Variants in EPHB1 observed in about 807,000 individuals in gnomAD.
EPHB1 encodes EPH receptor B1.
Under a neutral mutation model 94.4 loss-of-function variants are expected in EPHB1, and 30 were observed. The observed-to-expected ratio is 0.32, with a 90% CI of 0.24 to 0.43. The LOEUF (loss-of-function observed/expected upper bound fraction) is 0.43, where lower values mean the gene tolerates loss of function less well. EPHB1 is among the 20% of genes least tolerant of loss of function. The probability of loss-of-function intolerance (pLI) is 1.00; values close to 1 mark genes in which losing one functional copy is unlikely to be tolerated. For synonymous variants in EPHB1, 522 were observed against 489.1 expected (o/e 1.07, Z -0.89); for missense variants, 1,055 against 1,308.3 (o/e 0.81, Z 2.99).
rs774975718 is a variant in EPHB1, at chr3:135,166,016, C to T, written c.1634C>T (p.Ser545Leu). Residue 545 changes from serine to leucine, a missense_variant, in exon 8 of 16, where the codon TCG becomes TTG. Coordinates refer to ENST00000398015, the MANE Select transcript of EPHB1 (RefSeq NM_004441.5). ...GAGCAGCTGCCCCTGATTGCTGGCTCGGCAGCGGCCGGGGTCGTGTTCGTT... is the reference window on the plus strand; with the variant it reads ...GAGCAGCTGCCCCTGATTGCTGGCTTGGCAGCGGCCGGGGTCGTGTTCGTT... ...LREQLPLIAG[S>L]AAAGVVFVVS... 1.1e-5 allele frequency: 18 copies of T among 1,613,850 alleles called. No individual in the cohort carries two copies. The highest frequency in any genetic ancestry group is 2.2e-5 in the East Asian group (1 of 44,886).
At chr3:135,165,192 T>G (rs769209142) in intron 7 of EPHB1, among the ~76,000 whole-genome samples, 38 of 152,214 alleles carry the variant, frequency 2.5e-4, no homozygotes, top group Non-Finnish European at 5.1e-4. Context: ...GATTTGGTAT[T>G]TAGGACACCT....
chr3:135,162,700 A>T (rs1434177765), intron 7 of EPHB1, among the ~76,000 whole-genome samples: 2 of 152,202 alleles, frequency 1.3e-5, no homozygotes, highest in Non-Finnish European at 1.5e-5. Flanking sequence ...GTCTCCAGAG[A>T]GAATAGCCAA....
chr3:134,953,504 A>T (rs537882006), intron 3 of EPHB1, among the ~76,000 whole-genome samples: 1 of 152,312 alleles, frequency 6.6e-6, no homozygotes, highest in South Asian at 2.1e-4. Flanking sequence ...TCTTTGTCCC[A>T]TTGGTTGGGA....
intron 3 of EPHB1, among the ~76,000 whole-genome samples, chr3:135,031,310 T>C (rs1198756447): frequency 2.0e-5 from 3 of 152,082 alleles, no homozygotes; most frequent in South Asian, 4.1e-4. Flanking sequence ...TTTCTCCCTT[T>C]CTCTCTTTCT....
chr3:135,054,010 C>T (rs1937272313), intron 3 of EPHB1, among the ~76,000 whole-genome samples: 1 of 133,040 alleles, frequency 7.5e-6, no homozygotes, highest in South Asian at 2.6e-4. Context: ...TATACATGTG[C>T]ATATGTGTGT....
chr3:134,872,088 TC>T (rs756721806), intron 1 of EPHB1, among the ~76,000 whole-genome samples: 2 of 152,236 alleles, frequency 1.3e-5, no homozygotes, highest in Non-Finnish European at 2.9e-5. Flanking sequence ...GACTTTCTGG[TC>T]CTACCTCTTT....
At chr3:135,084,617 A>G (rs1370657881) in intron 3 of EPHB1, among the ~76,000 whole-genome samples, 1 of 152,212 alleles carries the variant, frequency 6.6e-6, no homozygotes, top group Non-Finnish European at 1.5e-5. Context: ...ATTGCAGTCC[A>G]GAGAAGGTGA....
At chr3:134,830,711 G>A (rs192617331) in intron 1 of EPHB1, among the ~76,000 whole-genome samples, 37 of 152,270 alleles carry the variant, frequency 2.4e-4, no homozygotes, top group Non-Finnish European at 4.3e-4. Context: ...AGGCTGATGG[G>A]CATGACCGTG....
At chr3:135,053,922 T>G (rs575902998) in intron 3 of EPHB1, among the ~76,000 whole-genome samples, 65 of 151,702 alleles carry the variant, frequency 4.3e-4, no homozygotes, top group African/African-American at 1.5e-3. Flanking sequence ...AGCCCACGAG[T>G]TCAAGGCCGC....
intron 11 of EPHB1, among the ~76,000 whole-genome samples, chr3:135,199,614 C>G (rs1942705650): frequency 6.6e-6 from 1 of 152,178 alleles, no homozygotes; most frequent in Admixed American, 6.5e-5. Context: ...GTGTCAAACA[C>G]AATATGTTTG....
chr3:135,052,580 G>A (rs904259295), intron 3 of EPHB1, among the ~76,000 whole-genome samples: 10 of 151,760 alleles, frequency 6.6e-5, no homozygotes, highest in African/African-American at 2.4e-4. Context: ...AAATATAAAT[G>A]GCCAAGCGCA....
intron 3 of EPHB1, among the ~76,000 whole-genome samples, chr3:134,996,360 A>AT (rs1934995391): frequency 1.3e-5 from 2 of 151,914 alleles, no homozygotes; most frequent in South Asian, 4.2e-4. Context: ...CACCCAGCCA[A>AT]TTTTTTGTAG....
intron 6 of EPHB1, among the ~76,000 whole-genome samples, chr3:135,157,745 A>C (rs1941396757): frequency 6.6e-6 from 1 of 152,256 alleles, no homozygotes; most frequent in South Asian, 2.1e-4. Flanking sequence ...CTACCAAAGA[A>C]AAAGATGTTA....
intron 5 of EPHB1, among the ~76,000 whole-genome samples, chr3:135,147,077 G>A (rs1318639002): frequency 6.6e-6 from 1 of 152,242 alleles, no homozygotes; most frequent in Non-Finnish European, 1.5e-5. Context: ...TAAGCAAATG[G>A]CAGAGCCAGA....
At chr3:135,031,150 T>C (rs1936448230) in intron 3 of EPHB1, among the ~76,000 whole-genome samples, 1 of 152,182 alleles carries the variant, frequency 6.6e-6, no homozygotes, top group Admixed American at 6.5e-5. Flanking sequence ...ATGAACCCCG[T>C]ACCTCAGATG....
intron 10 of EPHB1, among the ~76,000 whole-genome samples, chr3:135,189,379 T>G (rs1942404884): frequency 6.6e-6 from 1 of 152,236 alleles, no homozygotes. Flanking sequence ...CTGAGCGGCA[T>G]GTCAGTATCA....
intron 1 of EPHB1, among the ~76,000 whole-genome samples, chr3:134,913,043 G>A (rs2038487863): frequency 6.6e-6 from 1 of 152,172 alleles, no homozygotes; most frequent in Admixed American, 6.5e-5. Context: ...AGGCTTTTTG[G>A]TTTTCCATTT....
rs201471044 is a variant in EPHB1 at position 135,092,729 on chromosome 3, G to A, written c.806-13719G>A. On this transcript the variant is annotated intron_variant, in intron 3 of 15. Coordinates refer to ENST00000398015, the MANE Select transcript of EPHB1 (RefSeq NM_004441.5). ...CAACCTCCACTTCCCAGGTTCAAGC[G>A]ATTCTCCTGCCTCAGCCTCCTGAGT... is the stretch of plus-strand genomic sequence containing the variant. 5.9e-5 allele frequency among the ~76,000 whole-genome samples: 9 copies of A among 152,062 alleles called. No homozygotes were observed. The East Asian group carries it at 1.6e-3, about 26-fold the overall frequency.
chr3:134,852,103 G>T (rs140765250), intron 1 of EPHB1, among the ~76,000 whole-genome samples: 22 of 152,280 alleles, frequency 1.4e-4, no homozygotes, highest in Non-Finnish European at 2.1e-4. Flanking sequence ...ACCTCGGGGC[G>T]TATTTCTACC....
Sources: allele counts gnomAD v4.1 joint callset (sites outside exome capture counted in the v4.1 genomes callset), GRCh38; gene constraint gnomAD v4.1.1; transcripts MANE v1.5; gene names NCBI Gene and HGNC (gene_info 2026-07-23, HGNC 2026-07-21).